JAK3: variants seen among roughly 807,000 people sequenced by gnomAD.
JAK3 encodes the protein tyrosine-protein kinase JAK3.
A neutral mutation model predicts 120.8 loss-of-function variants in JAK3; 88 were observed. The ratio of observed to expected loss-of-function variants is 0.73; its 90% CI spans 0.61 to 0.87. JAK3 has a LOEUF of 0.87. JAK3 is among the 40% of genes least tolerant of loss of function. The pLI is 0.00. For missense variants in JAK3, 1,254 were observed against 1,501.4 expected (o/e 0.84, Z 2.72); for synonymous variants, 592 against 628.6 (o/e 0.94, Z 0.87).
chr19:17,846,911 G>T (rs535633953), intron 1 of JAK3, among the ~76,000 whole-genome samples: 5 of 150,010 alleles, frequency 3.3e-5, no homozygotes, highest in East Asian at 3.9e-4. Context: ...TATTTTGTAG[G>T]GGGGAGGACG....
At position 17,846,109 on chromosome 19, in the gene JAK3, C is replaced by A. The variant is rs3212702; in HGVS notation, c.-13-1679G>T. Among the ~76,000 whole-genome samples, 44 of 152,168 alleles carry A rather than the reference C, an allele frequency of 2.9e-4. No homozygotes were observed. The East Asian group carries it at 7.9e-3, about 27-fold the overall frequency. The stretch of plus-strand genomic sequence containing the variant: ...CTGGGATTACCGGCGTGAGAAACTG[C>A]GCCTGGCCTAATGAGGTTTAAGACA... On this transcript the variant is annotated intron_variant, in intron 1 of 23. Coordinates refer to ENST00000458235, the MANE Select transcript of JAK3 (RefSeq NM_000215.4).
At chr19:17,835,847 C>T (rs114041869) in intron 14 of JAK3, 77 bp downstream of exon 14, 1 of 1,586,198 alleles carries the variant, frequency 6.3e-7, no homozygotes, top group Non-Finnish European at 8.6e-7. Context: ...TACTACAGAG[C>T]CCACTCCCAA....
rs1006211563 is a variant in JAK3 at position 17,831,121 on chromosome 19, C to T, written c.2978+107G>A. 2.0e-5 allele frequency: 22 copies of T among 1,107,614 alleles called. No homozygotes were observed. In the African/African-American group the frequency reaches 6.2e-4, roughly 31 times the overall value. The allele number at this position is 1,107,614 out of a possible 1,614,324, so 68.6% of individuals were successfully genotyped here. A position where few individuals can be genotyped will look rare whatever the true frequency, so the allele number is the denominator to read the frequency against. ...GGCCAAAGCTGCAGCGGAGGAAGGG[C>T]GGGGCTAAGGCTGGGGAGCAAAGCA... On this transcript the variant is annotated intron_variant, in intron 21 of 23. Transcript: ENST00000458235. This position sits in a 1 kb window ranked among gnomAD's most constrained non-coding sequence, Gnocchi z 5.1.
In JAK3 at chr19:17,826,422, A is replaced by G; in HGVS notation, c.*321T>C. 1 of 352,072 alleles carries G rather than the reference A, an allele frequency of 2.8e-6. No homozygotes were observed. The highest frequency in any genetic ancestry group is 5.3e-5 in the South Asian group (1 of 18,980). The allele number at this position is 352,072 out of a possible 1,614,324, so 21.8% of individuals were successfully genotyped here. A position where few individuals can be genotyped will look rare whatever the true frequency, so the allele number is the denominator to read the frequency against. ...AAAAATAAAAAAAATAAAAAGAGAG[A>G]GACAGAAAAGGAAACTCAGGGGGCC... On this transcript the variant is annotated 3_prime_UTR_variant, in exon 24 of 24. Coordinates refer to ENST00000458235, the MANE Select transcript of JAK3 (RefSeq NM_000215.4).
intron 1 of JAK3, among the ~76,000 whole-genome samples, chr19:17,847,055 A>T (rs1393728508): frequency 6.6e-6 from 1 of 150,516 alleles, no homozygotes; most frequent in Non-Finnish European, 1.5e-5. Context: ...CCGCCACCAA[A>T]CCTGGCTAAT....
chr19:17,847,874 C>T (rs1442048873), intron 1 of JAK3, 72 bp downstream of exon 1: 3 of 759,836 alleles, frequency 3.9e-6, no homozygotes, highest in South Asian at 6.1e-5. Flanking sequence ...CCTGCCCCAG[C>T]CCAGCCATCC....
intron 13 of JAK3, 33 bp from the exon 14 acceptor site, chr19:17,836,084 G>C (rs1001699285): frequency 1.2e-6 from 2 of 1,611,488 alleles, no homozygotes; most frequent in Non-Finnish European, 1.7e-6. Flanking sequence ...GGGGTTGGGA[G>C]ACTGAACTGC....
chr19:17,838,147 C>G, intron 11 of JAK3, 84 bp from the exon 12 acceptor site: 1 of 1,612,590 alleles, frequency 6.2e-7, no homozygotes. Context: ...CTGCTGGCCC[C>G]ATTTTACAGA....
Position 17,826,814 on chromosome 19 carries a change from T to C in JAK3, c.3304A>G (p.Ser1102Gly). 7 of 1,614,080 alleles carry C rather than the reference T, an allele frequency of 4.3e-6. No individual in the cohort carries two copies. Among genetic ancestry groups the C allele is most frequent in the South Asian group, 1.1e-5 (1 of 91,080 alleles). ...GPQLDMLWSG[S>G]RGCETHAFTA... ...AAGGCATGAGTCTCACACCCCCGGC[T>C]TCCGCTCCACAGCATGTCCAGCTGG... The change falls in exon 24 of 24, where the codon AGC becomes GGC. Residue 1102 changes from serine to glycine, a missense_variant. Transcript: ENST00000458235.
chr19:17,831,795 C>A lies in JAK3; in HGVS notation c.2684G>T (p.Arg895Leu), dbSNP rs773307996. The change falls in exon 20 of 24, where the codon CGC becomes CTC. Residue 895 changes from arginine (R) to leucine (L), a missense_variant. Arg to Leu is a moderately radical substitution (Grantham distance 102, BLOSUM62 -2). Around this residue, in one of 3 missense-constraint regions of JAK3, gnomAD observed 630 missense variants for 819.8 expected, o/e 0.77. Transcript: ENST00000458235. This position sits in a 1 kb window ranked among gnomAD's most constrained non-coding sequence, Gnocchi z 5.1. ...CTCCATGACCAGCCGCAGGCTCTGG[C>A]GGCCTGGAGAAGGCAGGATCTGTCA... The part of the protein sequence containing the change: ...KYRGVSYGPG[R>L]QSLRLVMEYL... 6.2e-6 allele frequency: 10 copies of A among 1,612,752 alleles called. No individual in the cohort carries two copies. The highest frequency in any genetic ancestry group is 7.6e-6 in the Non-Finnish European group (9 of 1,179,830).
At position 17,842,407 on chromosome 19, in the gene JAK3, C is replaced by A; in HGVS notation, c.770G>T (p.Gly257Val). Residue 257 changes from glycine (G) to valine (V), a missense_variant, in exon 6 of 24, where the codon GGC becomes GTC. Coordinates refer to ENST00000458235, the MANE Select transcript of JAK3 (RefSeq NM_000215.4). The surrounding 1 kb of genome is among the most constrained non-coding windows in gnomAD (Gnocchi z 6.4). ...GTGGCCACCAAGGGCCCCAGGGAGG[C>A]CCACGTGGAAGGTCTCGGCGGCCCC... ...PAGAAETFHV[G>V]LPGALGGHDG... The A allele has an allele frequency of 6.3e-7, 1 of 1,585,514 alleles. No individual in the cohort carries two copies. Among genetic ancestry groups the A allele is most frequent in the South Asian group, 1.1e-5 (1 of 87,886 alleles).
Position 17,842,399 on chromosome 19 carries a change from C to T in JAK3, c.778G>A (p.Gly260Arg). The T allele has an allele frequency of 6.3e-7, 1 of 1,583,910 alleles. No homozygotes were observed. Among genetic ancestry groups the T allele is most frequent in the Non-Finnish European group, 8.6e-7 (1 of 1,168,354 alleles). Residue 260 changes from glycine to arginine, a missense_variant, in exon 6 of 24, where the codon GGG becomes AGG. By Grantham distance (125) the Gly-to-Arg change is moderately radical (BLOSUM62 -2). Around this residue, in one of 3 missense-constraint regions of JAK3, gnomAD observed 486 missense variants for 503.0 expected, o/e 0.97. Transcript: ENST00000458235. The surrounding 1 kb of genome is among the most constrained non-coding windows in gnomAD (Gnocchi z 6.4). ...AAETFHVGLP[G>R]ALGGHDGLGL... Reference sequence around the variant, plus strand: ...AGCCCGTCGTGGCCACCAAGGGCCCCAGGGAGGCCCACGTGGAAGGTCTCG... The same window carrying T: ...AGCCCGTCGTGGCCACCAAGGGCCCTAGGGAGGCCCACGTGGAAGGTCTCG...
Position 17,837,976 on chromosome 19 carries a change from CCT to C in JAK3, c.1655_1656del (p.Glu552GlyfsTer109), listed in dbSNP as rs754202560. The C allele has an allele frequency of 6.2e-7, 1 of 1,614,162 alleles. No homozygotes were observed. On this transcript the variant is annotated frameshift_variant, in exon 12 of 24. Coordinates refer to ENST00000458235, the MANE Select transcript of JAK3 (RefSeq NM_000215.4). LOFTEE classifies it high-confidence loss of function. ...EVVDGEARKT[E>X]VLLKVMDAKH... ...TTGGCATCCATGACCTTCAGCAGCACCTCTGTCTTTCGGGCCTCCCCATCCAC... is the reference window on the plus strand; with the variant it reads ...TTGGCATCCATGACCTTCAGCAGCACCTGTCTTTCGGGCCTCCCCATCCAC...
chr19:17,829,770 AG>A (rs2094210360), intron 23 of JAK3: 2 of 442,558 alleles, frequency 4.5e-6, no homozygotes, highest in Non-Finnish European at 8.0e-6. Context: ...AAAGAAAGAA[AG>A]AAAAAAAAAA....
At position 17,841,526 on chromosome 19, in the gene JAK3, C is replaced by T. The variant is rs202231447; in HGVS notation, c.1005G>A (p.Leu335=). The part of the protein sequence containing the change: ...NQILEAEFPG[L]PEALSFVALV... ...GCGCCACGAACGACAGAGCCTCGGGCAGCCCTGGGAACTCGGCCTCCTGCG... is the reference window on the plus strand; with the variant it reads ...GCGCCACGAACGACAGAGCCTCGGGTAGCCCTGGGAACTCGGCCTCCTGCG... The change falls in exon 8 of 24, where the codon CTG becomes CTA. Residue 335 remains leucine (L), a synonymous_variant. Transcript: ENST00000458235. This position sits in a 1 kb window ranked among gnomAD's most constrained non-coding sequence, Gnocchi z 4.1. 2.3e-5 allele frequency: 37 copies of T among 1,585,880 alleles called. No individual in the cohort carries two copies. In the African/African-American group the frequency reaches 3.8e-4, roughly 16 times the overall value.
chr19:17,826,550 T>C lies in JAK3; in HGVS notation c.*193A>G, dbSNP rs201387511. 1 of 662,684 alleles carries C rather than the reference T, an allele frequency of 1.5e-6. No homozygotes were observed. The highest frequency in any genetic ancestry group is 2.7e-6 in the Non-Finnish European group (1 of 367,160). The allele number at this position is 662,684 out of a possible 1,614,324, so 41.1% of individuals were successfully genotyped here. A position where few individuals can be genotyped will look rare whatever the true frequency, so the allele number is the denominator to read the frequency against. Reference sequence around the variant, plus strand: ...CACTGACACATATGCCCATCTGTCTTGAACCTTAACAAATTGCAAAGGCCA... The same window carrying C: ...CACTGACACATATGCCCATCTGTCTCGAACCTTAACAAATTGCAAAGGCCA... On this transcript the variant is annotated 3_prime_UTR_variant, in exon 24 of 24. Coordinates refer to ENST00000458235, the MANE Select transcript of JAK3 (RefSeq NM_000215.4).
Position 17,844,367 on chromosome 19 carries a change from G to A in JAK3, c.51C>T (p.Ser17=), listed in dbSNP as rs1243454584. ...ETPLIPQRSC[S]LLSTEAGALH... ...GGGCACCAGCCTCCGTGGACAAGAG[G>A]CTGCATGAACGCTGAGGGATCAGGG... Residue 17 remains serine (S), a synonymous_variant, in exon 2 of 24, where the codon AGC becomes AGT. Transcript: ENST00000458235. The A allele has an allele frequency of 1.2e-6, 2 of 1,612,478 alleles. No individual in the cohort carries two copies. Among genetic ancestry groups the A allele is most frequent in the South Asian group, 2.2e-5 (2 of 90,958 alleles).
Position 17,839,470 on chromosome 19 carries a change from G to T in JAK3, c.1441+7C>A. ...AGCCACTCATTCCAGGGGAGGAAGG[G>T]GCTCACCTTTGGGTCTGGGGATACA... On this transcript the variant is annotated splice_region_variant and intron_variant, in intron 10 of 23. Coordinates refer to ENST00000458235, the MANE Select transcript of JAK3 (RefSeq NM_000215.4). The T allele has an allele frequency of 6.4e-7, 1 of 1,570,380 alleles. No homozygotes were observed. Among genetic ancestry groups the T allele is most frequent in the Non-Finnish European group, 8.6e-7 (1 of 1,156,522 alleles).
chr19:17,837,828 G>A (rs1170419485), intron 12 of JAK3, 104 bp downstream of exon 12: 1 of 1,528,284 alleles, frequency 6.5e-7, no homozygotes, highest in Non-Finnish European at 9.0e-7. Context: ...TGACAGGCAT[G>A]AGCCACCACG....
Sources: allele counts gnomAD v4.1 joint callset (sites outside exome capture counted in the v4.1 genomes callset), GRCh38; gene constraint gnomAD v4.1.1; regional missense constraint gnomAD v4.1.1; non-coding constraint Gnocchi (gnomAD v3.1); transcripts MANE v1.5; gene names NCBI Gene and HGNC (gene_info 2026-07-23, HGNC 2026-07-21).